CCDC149: variants seen among roughly 807,000 people sequenced by gnomAD.
The protein encoded by CCDC149 is coiled-coil domain containing 149.
CCDC149 carries 45 observed loss-of-function variants against 59.9 expected under a neutral mutation model. That is an observed-to-expected ratio of 0.75 (90% CI 0.59 to 0.96). The LOEUF (loss-of-function observed/expected upper bound fraction) is 0.96, where lower values mean the gene tolerates loss of function less well. Ranked by LOEUF, CCDC149 falls within the 40% of genes least tolerant of loss-of-function variation. The pLI, the probability that CCDC149 is intolerant of heterozygous loss-of-function variation, is 0.00. For synonymous variants in CCDC149, 245 were observed against 260.6 expected, an observed-to-expected ratio of 0.94 and a Z score of 0.58; for missense variants, 584 against 664.7, an observed-to-expected ratio of 0.88 and a Z score of 1.33.
upstream of CCDC149, among the ~76,000 whole-genome samples, chr4:24,916,677 A>G (rs1722129322): frequency 2.6e-5 from 4 of 151,990 alleles, no homozygotes; most frequent in Admixed American, 2.6e-4. Flanking sequence ...TGAACTATAT[A>G]GTTGGGGCAA....
intron 4 of CCDC149, 115 bp from the exon 5 acceptor site, chr4:24,838,387 A>G (rs904055338): frequency 2.8e-6 from 2 of 722,114 alleles, no homozygotes; most frequent in African/African-American, 3.5e-5. Context: ...GAAATACTGG[A>G]GAAAGCACAA....
chr4:24,845,674 G>A (rs901489253), intron 4 of CCDC149, among the ~76,000 whole-genome samples: 3 of 152,208 alleles, frequency 2.0e-5, no homozygotes, highest in Non-Finnish European at 4.4e-5. Flanking sequence ...CATTGATATT[G>A]TTTGCTGTTA....
At chr4:24,860,121 A>G (rs573022474) in intron 3 of CCDC149, among the ~76,000 whole-genome samples, 1 of 152,292 alleles carries the variant, frequency 6.6e-6, no homozygotes, top group South Asian at 2.1e-4. Context: ...ACCAAAAAAG[A>G]GCCCGCATAG....
chr4:24,833,192 C>G (rs1716269054), intron 8 of CCDC149, among the ~76,000 whole-genome samples: 1 of 150,260 alleles, frequency 6.7e-6, no homozygotes, highest in East Asian at 2.0e-4. Context: ...AAAAAGGAAA[C>G]AGTATAAATC....
intron 1 of CCDC149, among the ~76,000 whole-genome samples, chr4:24,903,071 C>T (rs536697012): frequency 6.0e-5 from 8 of 134,162 alleles, no homozygotes; most frequent in African/African-American, 2.2e-4. Context: ...TATTAACTGA[C>T]AGCCTATCTT....
chr4:24,921,588 G>A (rs1722296853), intron 1 of CCDC149, among the ~76,000 whole-genome samples: 2 of 152,170 alleles, frequency 1.3e-5, no homozygotes, highest in South Asian at 4.1e-4. Flanking sequence ...AATGTTTGGT[G>A]CCCACCTAGC....
chr4:24,927,251 A>T (rs1411481965), intron 1 of CCDC149, among the ~76,000 whole-genome samples: 1 of 152,242 alleles, frequency 6.6e-6, no homozygotes, highest in Non-Finnish European at 1.5e-5. Flanking sequence ...AGTTGTGTTT[A>T]TGGCCAGACC....
intron 9 of CCDC149, chr4:24,830,862 T>C (rs1716098945): frequency 6.6e-6 from 1 of 152,274 alleles, no homozygotes; most frequent in African/African-American, 2.4e-5. Flanking sequence ...GCCAACCCCA[T>C]GTGTAGTATT....
rs771832964 is a variant in CCDC149 at position 24,853,087 on chromosome 4, G to C, written c.357C>G (p.Val119=). 1.1e-5 allele frequency: 17 copies of C among 1,610,240 alleles called. No homozygotes were observed. The East Asian group carries it at 3.3e-4, about 32-fold the overall frequency. Residue 119 remains valine (V), a synonymous_variant, in exon 4 of 13, where the codon GTC becomes GTG. Transcript: ENST00000635206. ...CTCACAGTACCTTGTTGTCGCCCTG[G>C]ACTTCTCCAAGCCTTTGCTGAAGTT...
intron 1 of CCDC149, among the ~76,000 whole-genome samples, chr4:24,941,384 C>T (rs1463316625): frequency 6.6e-5 from 10 of 152,238 alleles, no homozygotes; most frequent in Non-Finnish European, 1.5e-4. Flanking sequence ...ATCTCTGGGA[C>T]ACATTCAAAG....
At chr4:24,919,577 C>A (rs930568127) in intron 1 of CCDC149, among the ~76,000 whole-genome samples, 1 of 152,162 alleles carries the variant, frequency 6.6e-6, no homozygotes, top group East Asian at 1.9e-4. Context: ...GGATTGAAGA[C>A]TACCAAGATG....
chr4:24,895,858 C>T (rs1393375016), intron 1 of CCDC149, among the ~76,000 whole-genome samples: 1 of 152,204 alleles, frequency 6.6e-6, no homozygotes, highest in East Asian at 1.9e-4. Flanking sequence ...CTCCTTAGCC[C>T]ACTGTTGCTC....
chr4:24,835,572 G>C (rs1229530789), intron 7 of CCDC149, among the ~76,000 whole-genome samples: 1 of 152,186 alleles, frequency 6.6e-6, no homozygotes, highest in Non-Finnish European at 1.5e-5. Flanking sequence ...ACATAGAACT[G>C]AATAAATGTT....
In CCDC149 at chr4:24,884,736, T is replaced by C. The variant is rs116703226; in HGVS notation, c.64-8039A>G. 4.0e-3 allele frequency among the ~76,000 whole-genome samples: 612 copies of C among 152,358 alleles called. 2 individuals carry two copies. Among genetic ancestry groups the C allele is most frequent in the African/African-American group, 0.014 (574 of 41,592 alleles). On this transcript the variant is annotated intron_variant, in intron 1 of 12. Transcript: ENST00000635206. ...TTCTCCATTTTTAAATGAAGATATT[T>C]ACAGCATCTTCGGAGGGTTGGTATG...
At chr4:24,872,644 T>C (rs1288451176) in intron 3 of CCDC149, among the ~76,000 whole-genome samples, 1 of 149,752 alleles carries the variant, frequency 6.7e-6, no homozygotes, top group Non-Finnish European at 1.5e-5. Context: ...CTGAATGGTA[T>C]GCACCCACAG....
chr4:24,804,449 C>G (rs1321030098), downstream of CCDC149, among the ~76,000 whole-genome samples: 1 of 147,064 alleles, frequency 6.8e-6, no homozygotes, highest in African/African-American at 2.5e-5. Context: ...CGAGATCATG[C>G]CACTGCACTC....
chr4:24,912,026 G>A (rs1175045396), intron 1 of CCDC149, among the ~76,000 whole-genome samples: 1 of 152,172 alleles, frequency 6.6e-6, no homozygotes, highest in Non-Finnish European at 1.5e-5. Flanking sequence ...TTACCTGGTT[G>A]CCTCCAGGTG....
chr4:24,906,611 T>G (rs1254485767), intron 1 of CCDC149, among the ~76,000 whole-genome samples: 4 of 151,948 alleles, frequency 2.6e-5, no homozygotes. Context: ...TTGGCCGGGC[T>G]GGTCTTGAAC....
intron 1 of CCDC149, among the ~76,000 whole-genome samples, chr4:24,962,298 A>G (rs1378868124): frequency 6.6e-6 from 1 of 152,050 alleles, no homozygotes. Context: ...GATCATTAAA[A>G]CGTCAGGAAA....
Sources: gnomAD v4.1 joint callset for allele counts (sites outside exome capture counted in the v4.1 genomes callset) on GRCh38, gnomAD v4.1.1 for gene constraint, MANE v1.5 for transcripts, NCBI Gene and HGNC (gene_info 2026-07-23, HGNC 2026-07-21) for gene names.